Variants in KDM5B observed in about 807,000 individuals in gnomAD.
KDM5B encodes lysine-specific demethylase 5B.
A neutral mutation model predicts 193.4 loss-of-function variants in KDM5B; 144 were observed. The observed-to-expected ratio is 0.74, with a 90% CI of 0.65 to 0.86. The LOEUF is 0.86. Among genes scored for constraint, KDM5B ranks in the 40% least tolerant of loss-of-function variants. The pLI, the probability that KDM5B is intolerant of heterozygous loss-of-function variation, is 0.00. For missense variants in KDM5B, 1,833 were observed against 1,886.9 expected, an observed-to-expected ratio of 0.97 and a Z score of 0.53; for synonymous variants, 668 against 682.6, an observed-to-expected ratio of 0.98 and a Z score of 0.33.
rs200964745 is a variant in KDM5B, at chr1:202,736,291, T to C, written c.3186A>G (p.Leu1062=). 38 of 1,612,936 alleles carry C rather than the reference T, an allele frequency of 2.4e-5. No individual in the cohort carries two copies. In the East Asian group the frequency reaches 7.8e-4, roughly 33 times the overall value. The change falls in exon 21 of 27, where the codon CTA becomes CTG. Residue 1062 remains leucine (L), a synonymous_variant. Coordinates refer to ENST00000367265, the MANE Select transcript of KDM5B (RefSeq NM_006618.5). ...HLNSLPRLET[L]VAEVQAWKEC... ...CTTTCCAAGCCTGAACCTCAGCTAC[T>C]AGGGTTTCCAGTCTTGGCAAAGAAT...
At chr1:202,730,064 G>A (rs1654825916) in intron 25 of KDM5B, 37 bp from the exon 26 acceptor site, 1 of 1,525,492 alleles carries the variant, frequency 6.6e-7, no homozygotes, top group Non-Finnish European at 8.9e-7. Context: ...TTTCGCCTAT[G>A]GGTCACCTAT....
chr1:202,729,296 T>G, intron 26 of KDM5B, 123 bp from the exon 27 acceptor site: 1 of 1,040,024 alleles, frequency 9.6e-7, no homozygotes, highest in Non-Finnish European at 1.4e-6. Context: ...CACTGGGACC[T>G]CTGGCACAAC....
chr1:202,732,345 C>T (rs1483334713), intron 23 of KDM5B, among the ~76,000 whole-genome samples: 1 of 152,206 alleles, frequency 6.6e-6, no homozygotes, highest in Non-Finnish European at 1.5e-5. Flanking sequence ...TCCATAACCA[C>T]TTTCCTATCT....
chr1:202,770,875 G>A (rs762188926), intron 4 of KDM5B, among the ~76,000 whole-genome samples: 1 of 152,210 alleles, frequency 6.6e-6, no homozygotes, highest in Non-Finnish European at 1.5e-5. Context: ...TTGGCACAGA[G>A]TAAGTCCCTC....
At chr1:202,746,493 CA>C (rs941124147) in intron 14 of KDM5B, 170 bp from the exon 15 acceptor site, 4 of 513,600 alleles carry the variant, frequency 7.8e-6, no homozygotes, top group Non-Finnish European at 1.4e-5. Flanking sequence ...CTAGCAAATA[CA>C]GGCAAGTTCA....
At chr1:202,736,815 T>C (rs1317638342) in intron 20 of KDM5B, among the ~76,000 whole-genome samples, 1 of 152,130 alleles carries the variant, frequency 6.6e-6, no homozygotes, top group East Asian at 1.9e-4. Flanking sequence ...CTAATTTTTA[T>C]ATTTTTAGTA....
intron 2 of KDM5B, among the ~76,000 whole-genome samples, chr1:202,775,882 ATATATAT>A (rs1558507327): frequency 1.4e-5 from 1 of 73,880 alleles, no homozygotes; most frequent in African/African-American, 5.0e-5. Context: ...AAAAAAAAAT[ATATATAT>A]ATATATATAT....
intron 12 of KDM5B, among the ~76,000 whole-genome samples, chr1:202,752,133 T>C (rs538603690): frequency 6.6e-6 from 1 of 152,338 alleles, no homozygotes; most frequent in South Asian, 2.1e-4. Context: ...GGACTCTTCA[T>C]ACATTTCAAT....
Position 202,733,757 on chromosome 1 carries a change from G to T in KDM5B, c.3553C>A (p.Pro1185Thr). The change falls in exon 23 of 27, where the codon CCA (proline) becomes ACA (threonine). Residue 1185 changes from proline to threonine, a missense_variant. Coordinates refer to ENST00000367265, the MANE Select transcript of KDM5B (RefSeq NM_006618.5). ...TCACATTGAATCATAGGGGCAGCTGGGGCCTTCTGACATAGGCAGATTTTT... is the reference window on the plus strand; with the variant it reads ...TCACATTGAATCATAGGGGCAGCTGTGGCCTTCTGACATAGGCAGATTTTT... ...DIKICLCQKAPAAPMIQCELC... is the reference protein window; with the variant it reads ...DIKICLCQKATAAPMIQCELC... 1 of 1,614,138 alleles carries T rather than the reference G, an allele frequency of 6.2e-7. No individual in the cohort carries two copies.
At position 202,724,652 on chromosome 1, in the gene KDM5B, G is replaced by A. The variant is rs1271048768; in HGVS notation, c.*4384C>T. On this transcript the variant is annotated 3_prime_UTR_variant, in exon 27 of 27. Coordinates refer to ENST00000367265, the MANE Select transcript of KDM5B (RefSeq NM_006618.5). ...ATGGATATACATATTTATGATTTAG[G>A]TTAAATATATCTTTCTCATCCAATA... The A allele has an allele frequency of 6.6e-6, 1 of 152,030 alleles. No homozygotes were observed. The highest frequency in any genetic ancestry group is 3.2e-3 in the Middle Eastern group (1 of 316). 9.4% of individuals were successfully genotyped at this position (152,030 alleles called of 1,614,324 possible).
Position 202,760,206 on chromosome 1 carries a change from T to TG in KDM5B, c.1077+208dup, listed in dbSNP as rs4021241. Among the ~76,000 whole-genome samples, 7 of 151,904 alleles carry TG rather than the reference T, an allele frequency of 4.6e-5. No homozygotes were observed. The South Asian group carries it at 8.3e-4, about 18-fold the overall frequency. ...GCATGGGCCTGTAGTCCCAGCTACGTGGGGGGGGCTGAGGTGGGAGAACTG... is the reference window on the plus strand; with the variant it reads ...GCATGGGCCTGTAGTCCCAGCTACGTGGGGGGGGGCTGAGGTGGGAGAACTG... On this transcript the variant is annotated intron_variant, in intron 8 of 26. Coordinates refer to ENST00000367265, the MANE Select transcript of KDM5B (RefSeq NM_006618.5).
chr1:202,736,345 T>C lies in KDM5B; in HGVS notation c.3132A>G (p.Thr1044=), dbSNP rs1210234972. 1.9e-6 allele frequency: 3 copies of C among 1,611,812 alleles called. No individual in the cohort carries two copies. Among genetic ancestry groups the C allele is most frequent in the African/African-American group, 2.7e-5 (2 of 74,858 alleles). ...GATGTACGGGGATAGATCGGCCTCG[T>C]GTAACAAGTTCTATGAGTGTGTCTA... is the stretch of plus-strand genomic sequence containing the variant. ...PVLDTLIELV[T]RGRSIPVHLN... is the part of the protein sequence containing the mutation. The change falls in exon 21 of 27, where the codon ACA becomes ACG. Residue 1044 remains threonine (T), a synonymous_variant. Coordinates refer to ENST00000367265, the MANE Select transcript of KDM5B (RefSeq NM_006618.5).
At chr1:202,740,573 C>T (rs1280991271) in intron 20 of KDM5B, 101 bp downstream of exon 20, 12 of 1,145,126 alleles carry the variant, frequency 1.0e-5, no homozygotes, top group South Asian at 3.7e-5. Flanking sequence ...GGCGGCTGGC[C>T]GGGTCGGGGG....
chr1:202,748,941 T>C lies in KDM5B; in HGVS notation c.2016+4A>G, dbSNP rs61751237. 8.2e-3 allele frequency: 13,136 copies of C among 1,607,080 alleles called. 77 individuals are homozygous for C. The highest frequency in any genetic ancestry group is 0.01 in the Non-Finnish European group (12,013 of 1,176,384). ...ACATGCAGTTGGATTTCCATAAGCC[T>C]TACCAATTTACGGACAGTTTCTCTT... On this transcript the variant is annotated splice_donor_region_variant and intron_variant, in intron 14 of 26. Coordinates refer to ENST00000367265, the MANE Select transcript of KDM5B (RefSeq NM_006618.5).
At chr1:202,798,173 C>A (rs550917910) in intron 1 of KDM5B, among the ~76,000 whole-genome samples, 2 of 152,260 alleles carry the variant, frequency 1.3e-5, no homozygotes, top group South Asian at 4.1e-4. Flanking sequence ...TGCACTCCAG[C>A]CTGGCAACAT....
chr1:202,785,844 T>C (rs958549622), intron 1 of KDM5B, among the ~76,000 whole-genome samples: 4 of 149,850 alleles, frequency 2.7e-5, no homozygotes, highest in Admixed American at 1.3e-4. Context: ...AGGAGGCAGA[T>C]GATGCGGTGA....
intron 20 of KDM5B, among the ~76,000 whole-genome samples, chr1:202,738,423 T>C (rs1264384295): frequency 1.3e-5 from 2 of 152,244 alleles, no homozygotes; most frequent in Non-Finnish European, 2.9e-5. Context: ...AAAACTCTCA[T>C]TAACAAAGTT....
At position 202,735,537 on chromosome 1, in the gene KDM5B, C is replaced by G. The variant is rs1211216469; in HGVS notation, c.3315G>C (p.Gln1105His). ...TTGGCAAGGGCTCCTTTAACTTTCT[C>G]TGCTTCCTTTTCAATCCCAAAAGGC... The part of the protein sequence containing the change: ...DIGLLGLKRK[Q>H]RKLKEPLPNG... The change falls in exon 22 of 27, where the codon CAG becomes CAC. Residue 1105 changes from glutamine (Q) to histidine (H), a missense_variant. Gln to His is a conservative substitution (Grantham distance 24). This residue lies in a region of KDM5B where 1,379 missense variants were observed against 1,349.6 expected (regional missense o/e 1.02). Coordinates refer to ENST00000367265, the MANE Select transcript of KDM5B (RefSeq NM_006618.5). 6.2e-7 allele frequency: 1 copy of G among 1,614,026 alleles called. No individual in the cohort carries two copies. Among genetic ancestry groups the G allele is most frequent in the South Asian group, 1.1e-5 (1 of 91,072 alleles).
intron 14 of KDM5B, among the ~76,000 whole-genome samples, chr1:202,748,179 C>T (rs544951642): frequency 1.3e-5 from 2 of 152,232 alleles, no homozygotes; most frequent in Non-Finnish European, 2.9e-5. Flanking sequence ...TCAAGAAATG[C>T]TGCTGGAAGA....
Sources: gnomAD v4.1 joint callset for allele counts (sites outside exome capture counted in the v4.1 genomes callset) on GRCh38, gnomAD v4.1.1 for gene constraint, gnomAD v4.1.1 regional missense constraint, MANE v1.5 for transcripts, NCBI Gene and HGNC (gene_info 2026-07-23, HGNC 2026-07-21) for gene names.